Variants in STRBP observed in about 807,000 individuals in gnomAD.
STRBP encodes spermatid perinuclear RNA-binding protein.
In STRBP, 13 loss-of-function variants were observed where a neutral mutation model predicts 80.1. The observed-to-expected ratio is 0.16, with a 90% CI of 0.11 to 0.26. The LOEUF is 0.26. STRBP is among the 10% of genes least tolerant of loss of function. The probability of loss-of-function intolerance (pLI) is 1.00; values close to 1 mark genes in which losing one functional copy is unlikely to be tolerated. For synonymous variants in STRBP, 284 were observed against 291.2 expected, an observed-to-expected ratio of 0.98 and a Z score of 0.25; for missense variants, 485 against 815.2, an observed-to-expected ratio of 0.59 and a Z score of 4.93.
At chr9:123,169,117 A>G (rs569543487) in intron 6 of STRBP, among the ~76,000 whole-genome samples, 1 of 152,228 alleles carries the variant, frequency 6.6e-6, no homozygotes, top group African/African-American at 2.4e-5. Flanking sequence ...ACATGTACAA[A>G]TCTTATGAGA....
chr9:123,112,443 C>T (rs998792102), intron 3 of STRBP: 6 of 167,352 alleles, frequency 3.6e-5, no homozygotes, highest in Admixed American at 6.5e-5. Context: ...TATCAACGCA[C>T]GGCAGCGCCA....
chr9:123,265,740 A>T (rs1255191479), intron 1 of STRBP, among the ~76,000 whole-genome samples: 1 of 152,238 alleles, frequency 6.6e-6, no homozygotes, highest in African/African-American at 2.4e-5. Context: ...CGCCCAACCC[A>T]TAAGTGTCTT....
At position 123,125,384 on chromosome 9, in the gene STRBP, A is replaced by C; in HGVS notation, c.*213T>G. 8.1e-7 allele frequency: 1 copy of C among 1,230,632 alleles called. No homozygotes were observed. The highest frequency in any genetic ancestry group is 1.0e-6 in the Non-Finnish European group (1 of 986,738). 76.2% of individuals were successfully genotyped at this position (1,230,632 alleles called of 1,614,324 possible). A position where few individuals can be genotyped will look rare whatever the true frequency, so the allele number is the denominator to read the frequency against. On this transcript the variant is annotated 3_prime_UTR_variant, in exon 19 of 19. Transcript: ENST00000348403. Reference sequence around the variant, plus strand: ...TGGTATAAGTTATTTTCCAGAAATGAGGTACCGTTTTCACAGAACTGGTTT... The same window carrying C: ...TGGTATAAGTTATTTTCCAGAAATGCGGTACCGTTTTCACAGAACTGGTTT...
chr9:123,193,204 T>C (rs574545814), intron 2 of STRBP, among the ~76,000 whole-genome samples: 1 of 152,328 alleles, frequency 6.6e-6, no homozygotes, highest in East Asian at 1.9e-4. Flanking sequence ...GTTTTAATGA[T>C]ATGATTTACT....
rs548084414 is a variant in STRBP, at chr9:123,173,703, T to G, written c.364A>C (p.Lys122Gln). Residue 122 changes from lysine to glutamine, a missense_variant, in exon 5 of 19, where the codon AAA becomes CAA. This residue lies in a region of STRBP where 377 missense variants were observed against 616.1 expected (regional missense o/e 0.61). Coordinates refer to ENST00000348403, the MANE Select transcript of STRBP (RefSeq NM_018387.5). The part of the protein sequence containing the change: ...KPTETLLNTV[K>Q]DNLPIQIQKL... Reference sequence around the variant, plus strand: ...TGAATCTGAATAGGAAGATTATCTTTGACTGTATTTAACAGGGTCTCTGTG... The same window carrying G: ...TGAATCTGAATAGGAAGATTATCTTGGACTGTATTTAACAGGGTCTCTGTG... 2.5e-6 allele frequency: 4 copies of G among 1,613,108 alleles called. No individual in the cohort carries two copies. The East Asian group carries it at 8.9e-5, about 36-fold the overall frequency.
intron 8 of STRBP, among the ~76,000 whole-genome samples, chr9:123,159,771 A>G (rs972124158): frequency 4.6e-5 from 7 of 152,188 alleles, no homozygotes; most frequent in African/African-American, 1.7e-4. Flanking sequence ...CTTTATTTAA[A>G]TTGTTTTATA....
intron 2 of STRBP, among the ~76,000 whole-genome samples, chr9:123,217,435 T>C (rs1432553902): frequency 6.6e-6 from 1 of 152,000 alleles, no homozygotes; most frequent in East Asian, 1.9e-4. Context: ...ATGGGAAAAA[T>C]AATGAGACAG....
intron 13 of STRBP, among the ~76,000 whole-genome samples, chr9:123,142,743 C>CT (rs572313954): frequency 0.079 from 11,686 of 147,090 alleles, 537 homozygotes; most frequent in African/African-American, 0.13. Flanking sequence ...TGATAACACA[C>CT]TTTTTTTTTT....
chr9:123,225,211 A>G (rs2040197221), intron 2 of STRBP, among the ~76,000 whole-genome samples: 1 of 152,162 alleles, frequency 6.6e-6, no homozygotes, highest in African/African-American at 2.4e-5. Flanking sequence ...GCAACGTTCT[A>G]TTTCTTCTGG....
chr9:123,237,207 T>G (rs2040587493), intron 1 of STRBP, among the ~76,000 whole-genome samples: 1 of 152,170 alleles, frequency 6.6e-6, no homozygotes, highest in Admixed American at 6.5e-5. Flanking sequence ...AGTGAGCTAT[T>G]CTAACATTCC....
chr9:123,166,477 T>C (rs2037762853), intron 6 of STRBP, among the ~76,000 whole-genome samples: 1 of 152,060 alleles, frequency 6.6e-6, no homozygotes. Context: ...AAGAGTCAAA[T>C]AAGGCCAGGG....
intron 6 of STRBP, among the ~76,000 whole-genome samples, chr9:123,166,748 T>A (rs903402383): frequency 2.7e-5 from 3 of 109,130 alleles, no homozygotes; most frequent in African/African-American, 8.4e-5. Context: ...AGCAAGACTG[T>A]CTCCAGCAAC....
chr9:123,207,970 A>G (rs1652413076), intron 2 of STRBP, among the ~76,000 whole-genome samples: 1 of 152,256 alleles, frequency 6.6e-6, no homozygotes, highest in Admixed American at 6.5e-5. Context: ...ACGTAGAAAC[A>G]AAAGGAACTT....
chr9:123,122,172 T>A lies in STRBP; in HGVS notation c.*3425A>T, dbSNP rs139138584. The A allele has an allele frequency of 3.8e-4, 155 of 408,646 alleles. No homozygotes were observed. Among genetic ancestry groups the A allele is most frequent in the African/African-American group, 3.0e-3 (139 of 46,978 alleles). 25.3% of individuals were successfully genotyped at this position (408,646 alleles called of 1,614,324 possible). A position where few individuals can be genotyped will look rare whatever the true frequency, so the allele number is the denominator to read the frequency against. On this transcript the variant is annotated 3_prime_UTR_variant, in exon 19 of 19. Transcript: ENST00000348403. ...CTTAATTGACTATTTTTCTCTTTAA[T>A]CAGAAAATAAAAGAGCTTACCTTTG...
At chr9:123,260,850 T>A (rs111523641) in intron 1 of STRBP, among the ~76,000 whole-genome samples, 3 of 152,328 alleles carry the variant, frequency 2.0e-5, no homozygotes, top group African/African-American at 7.2e-5. Flanking sequence ...ACATCTGAAA[T>A]GTCCATGATG....
At chr9:123,166,102 C>A (rs1038468831) in intron 6 of STRBP, among the ~76,000 whole-genome samples, 1 of 152,120 alleles carries the variant, frequency 6.6e-6, no homozygotes, top group African/African-American at 2.4e-5. Flanking sequence ...GGATAAAGGA[C>A]AGGCAAAAAG....
chr9:123,159,177 C>G lies in STRBP; in HGVS notation c.754G>C (p.Gly252Arg), dbSNP rs781141018. The change falls in exon 9 of 19, where the codon GGT becomes CGT. Residue 252 changes from glycine to arginine, a missense_variant. Physicochemically the swap from Gly to Arg is moderately radical, Grantham distance 125. Coordinates refer to ENST00000348403, the MANE Select transcript of STRBP (RefSeq NM_018387.5). ...GCGCCCAAAGGTCTATTACAAGTAC[C>G]TATAGACTTTTCACATATAAGTTCT... Reference protein sequence around the residue: ...PLELICEKSIGTCNRPLGAGE... With the variant: ...PLELICEKSIRTCNRPLGAGE... 3 of 1,613,280 alleles carry G rather than the reference C, an allele frequency of 1.9e-6. No individual in the cohort carries two copies. The African/African-American group carries it at 4.0e-5, about 22-fold the overall frequency.
At chr9:123,152,860 TACAC>T (rs774054185) in intron 11 of STRBP, among the ~76,000 whole-genome samples, 5 of 152,156 alleles carry the variant, frequency 3.3e-5, no homozygotes, top group East Asian at 3.8e-4. Context: ...GCATAAAACT[TACAC>T]ACACGCACTG....
intron 14 of STRBP, among the ~76,000 whole-genome samples, chr9:123,137,038 A>G (rs147183057): frequency 2.8e-4 from 43 of 152,336 alleles, no homozygotes; most frequent in Middle Eastern, 3.4e-3. Flanking sequence ...AAATTTTAAA[A>G]TAACAATAAA....
Sources: allele counts gnomAD v4.1 joint callset (sites outside exome capture counted in the v4.1 genomes callset), GRCh38; gene constraint gnomAD v4.1.1; regional missense constraint gnomAD v4.1.1; transcripts MANE v1.5; gene names NCBI Gene and HGNC (gene_info 2026-07-23, HGNC 2026-07-21).